The following VAMP8 variants were observed in gnomAD, a reference collection of about 807,000 sequenced individuals.
VAMP8 encodes vesicle associated membrane protein 8, also known as vesicle-associated membrane protein 8.
VAMP8 carries 9 observed loss-of-function variants against 11.4 expected under a neutral mutation model. The observed-to-expected ratio is 0.79, with a 90% CI of 0.48 to 1.38. VAMP8 has a LOEUF of 1.38. Ranked by LOEUF, VAMP8 falls within the 40% of genes most tolerant of loss-of-function variation. The probability of loss-of-function intolerance (pLI) is 0.00; values close to 1 mark genes in which losing one functional copy is unlikely to be tolerated. For missense variants in VAMP8, 108 were observed against 127.8 expected (o/e 0.85, Z 0.75); for synonymous variants, 42 against 44.7 (o/e 0.94, Z 0.24).
intron 2 of VAMP8, chr2:85,579,734 C>A: frequency 6.4e-7 from 1 of 1,550,672 alleles, no homozygotes; most frequent in Non-Finnish European, 8.7e-7. Context: ...ATTCTTCTCT[C>A]TCTCCAGCCA....
intron 1 of VAMP8, among the ~76,000 whole-genome samples, chr2:85,578,682 C>T (rs2104028387): frequency 6.6e-6 from 1 of 152,018 alleles, no homozygotes; most frequent in East Asian, 1.9e-4. Flanking sequence ...GAGATGCTGG[C>T]CCTGCTGTAT....
chr2:85,581,880 C>T lies in VAMP8; in HGVS notation c.*164C>T, dbSNP rs1430965222. On this transcript the variant is annotated 3_prime_UTR_variant, in exon 3 of 3. Transcript: ENST00000263864. ...GCCATGTTGTATGCCCCAGAAGGTA[C>T]CTTGGTCCCCCGGAAGGAGAGAAAA... 4 of 913,786 alleles carry T rather than the reference C, an allele frequency of 4.4e-6. No homozygotes were observed. In the African/African-American group the frequency reaches 5.0e-5, roughly 11 times the overall value. 56.6% of individuals were successfully genotyped at this position (913,786 alleles called of 1,614,324 possible).
chr2:85,581,706 C>A lies in VAMP8; in HGVS notation c.293C>A (p.Ala98Asp). The change falls in exon 3 of 3, where the codon GCC becomes GAC. Residue 98 changes from alanine (A) to aspartate (D), a missense_variant. By Grantham distance (126) the Ala-to-Asp change is moderately radical (BLOSUM62 -2). Transcript: ENST00000263864. ...TTCATTGTGCTCTTTGCCACTGGTG[C>A]CTTCTCTTAAGTAACAGGGAACCTC... ...ILFIVLFATGAFS is the reference protein window; with the variant it reads ...ILFIVLFATGDFS 1 of 1,614,148 alleles carries A rather than the reference C, an allele frequency of 6.2e-7. No homozygotes were observed.
intron 2 of VAMP8, 35 bp from the exon 3 acceptor site, chr2:85,581,541 C>A: frequency 6.2e-7 from 1 of 1,612,392 alleles, no homozygotes; most frequent in Middle Eastern, 1.7e-4. Context: ...GTGGGAGGAG[C>A]CACTGGGTCA....
At chr2:85,579,876 T>C (rs1672341127) in intron 2 of VAMP8, 1 of 1,550,246 alleles carries the variant, frequency 6.5e-7, no homozygotes, top group Admixed American at 2.0e-5. Flanking sequence ...GGCTCTTGGG[T>C]ATTGCTCCCT....
At chr2:85,580,778 T>G (rs1672363583) in intron 2 of VAMP8, among the ~76,000 whole-genome samples, 1 of 150,352 alleles carries the variant, frequency 6.7e-6, no homozygotes, top group Non-Finnish European at 1.5e-5. Context: ...GTGATTCTCC[T>G]GCCTTAGCCT....
intron 2 of VAMP8, chr2:85,579,920 C>T: frequency 6.6e-7 from 1 of 1,519,136 alleles, no homozygotes; most frequent in South Asian, 1.3e-5. Context: ...GTTTCTGTAG[C>T]TTAATTGTAG....
In VAMP8 at chr2:85,578,905, CA is replaced by C. The variant is rs1321906518; in HGVS notation, c.4-99del. The C allele has an allele frequency of 1.1e-5, 13 of 1,233,136 alleles. No individual in the cohort carries two copies. In the Admixed American group the frequency reaches 2.4e-4, roughly 23 times the overall value. 76.4% of individuals were successfully genotyped at this position (1,233,136 alleles called of 1,614,324 possible). ...CTTTGTAAACATTTCAAGCATTTTA[CA>C]AAAAGCTTAAGTCTGCCTGAGGCCT... On this transcript the variant is annotated intron_variant, in intron 1 of 2. Coordinates refer to ENST00000263864, the MANE Select transcript of VAMP8 (RefSeq NM_003761.5).
In VAMP8 at chr2:85,581,615, A is replaced by T; in HGVS notation, c.202A>T (p.Lys68Ter). The T allele has an allele frequency of 1.2e-6, 2 of 1,614,166 alleles. No individual in the cohort carries two copies. The highest frequency in any genetic ancestry group is 1.7e-6 in the Non-Finnish European group (2 of 1,180,038). The part of the protein sequence containing the change: ...FKTTSQKVAR[K>*]FWWKNVKMIV... The stretch of plus-strand genomic sequence containing the variant: ...GACGACATCGCAGAAGGTGGCTCGA[A>T]AATTCTGGTGGAAGAACGTGAAGAT... The change falls in exon 3 of 3, where the codon AAA (lysine) becomes TAA (stop). Residue 68 changes from lysine (K) to a stop codon, truncating the protein, a stop_gained. Transcript: ENST00000263864. LOFTEE classifies it high-confidence loss of function.
chr2:85,578,246 A>G (rs1038454389), intron 1 of VAMP8, among the ~76,000 whole-genome samples: 1 of 151,940 alleles, frequency 6.6e-6, no homozygotes, highest in African/African-American at 2.4e-5. Flanking sequence ...GCTAAATACT[A>G]TTTTTCTCTC....
chr2:85,580,351 C>T (rs925751740), intron 2 of VAMP8, among the ~76,000 whole-genome samples: 1 of 152,138 alleles, frequency 6.6e-6, no homozygotes, highest in Non-Finnish European at 1.5e-5. Flanking sequence ...TCTATCCTGT[C>T]CTGGTCCCTC....
At chr2:85,579,950 C>T in intron 2 of VAMP8, 1 of 1,484,306 alleles carries the variant, frequency 6.7e-7, no homozygotes, top group Non-Finnish European at 8.9e-7. Flanking sequence ...GGGAGCATGG[C>T]CCCGGGAATT....
chr2:85,579,618 G>T, intron 2 of VAMP8: 1 of 1,435,262 alleles, frequency 7.0e-7, no homozygotes, highest in Non-Finnish European at 9.2e-7. Context: ...GTCTTGCTGA[G>T]TAGGCTTTAA....
intron 2 of VAMP8, among the ~76,000 whole-genome samples, chr2:85,580,870 T>C (rs1232417518): frequency 1.3e-5 from 2 of 151,608 alleles, no homozygotes; most frequent in African/African-American, 4.8e-5. Context: ...GGTTTCACAA[T>C]GTTGGCTAGG....
chr2:85,579,152 G>A lies in VAMP8; in HGVS notation c.147G>A (p.Glu49=), dbSNP rs764975250. The A allele has an allele frequency of 3.3e-5, 53 of 1,597,438 alleles. No individual in the cohort carries two copies. The South Asian group carries it at 5.5e-4, about 17-fold the overall frequency. ...TGGAACATCTCCGCAACAAGACAGA[G>A]GATCTGGAAGCCACAGTGAGACAGG... is the stretch of plus-strand genomic sequence containing the variant. ...ENLEHLRNKT[E]DLEATSEHFK... The change falls in exon 2 of 3, where the codon GAG becomes GAA. Residue 49 remains glutamate, a synonymous_variant. Coordinates refer to ENST00000263864, the MANE Select transcript of VAMP8 (RefSeq NM_003761.5).
intron 1 of VAMP8, 129 bp downstream of exon 1, chr2:85,577,778 G>A: frequency 7.5e-7 from 1 of 1,326,622 alleles, no homozygotes; most frequent in Non-Finnish European, 1.1e-6. Context: ...GTGCTGCTAT[G>A]GCCTCTCTTC....
At chr2:85,580,304 G>A (rs1391552549) in intron 2 of VAMP8, among the ~76,000 whole-genome samples, 1 of 152,152 alleles carries the variant, frequency 6.6e-6, no homozygotes, top group Non-Finnish European at 1.5e-5. Flanking sequence ...ATGGGGAAGA[G>A]TGGGTGGAGG....
At chr2:85,580,207 C>T (rs1019988712) in intron 2 of VAMP8, among the ~76,000 whole-genome samples, 8 of 152,118 alleles carry the variant, frequency 5.3e-5, no homozygotes, top group Non-Finnish European at 1.0e-4. Flanking sequence ...CTGCCTTGGC[C>T]TCTCAAAGTG....
At chr2:85,580,920 C>T (rs1190944717) in intron 2 of VAMP8, among the ~76,000 whole-genome samples, 8 of 151,780 alleles carry the variant, frequency 5.3e-5, no homozygotes, top group Admixed American at 2.0e-4. Context: ...CCACCAACCT[C>T]GGCCTCCCAA....
Sources: gnomAD v4.1 joint callset for allele counts (sites outside exome capture counted in the v4.1 genomes callset) on GRCh38, gnomAD v4.1.1 for gene constraint, MANE v1.5 for transcripts, NCBI Gene and HGNC (gene_info 2026-07-23, HGNC 2026-07-21) for gene names.